Variants in EEF2 observed in about 807,000 individuals in gnomAD.
EEF2 encodes elongation factor 2.
Under a neutral mutation model 85.3 loss-of-function variants are expected in EEF2, and 21 were observed. That is an observed-to-expected ratio of 0.25 (90% CI 0.17 to 0.35). The LOEUF (loss-of-function observed/expected upper bound fraction) is 0.35, where lower values mean the gene tolerates loss of function less well. Among genes scored for constraint, EEF2 ranks in the 10% least tolerant of loss-of-function variants. EEF2 has a pLI of 1.00. For missense variants in EEF2, 825 were observed against 1,225.3 expected, an observed-to-expected ratio of 0.67 and a Z score of 4.88; for synonymous variants, 723 against 508.8, an observed-to-expected ratio of 1.42 and a Z score of -5.67.
chr19:3,981,133 A>C (rs1223878352), intron 7 of EEF2, among the ~76,000 whole-genome samples, 154 bp from the exon 8 acceptor site: 2 of 152,092 alleles, frequency 1.3e-5, no homozygotes, highest in Non-Finnish European at 2.9e-5. Context: ...GGCCATGCAC[A>C]CTCCTGCCAA....
chr19:3,977,618 A>AGGG lies in EEF2; in HGVS notation c.2068-11_2068-9dup. The AGGG allele has an allele frequency of 6.6e-7, 1 of 1,504,800 alleles. No homozygotes were observed. The highest frequency in any genetic ancestry group is 8.8e-7 in the Non-Finnish European group (1 of 1,130,910). 93.2% of individuals were successfully genotyped at this position (1,504,800 alleles called of 1,614,324 possible). On this transcript the variant is annotated splice_polypyrimidine_tract_variant and intron_variant, in intron 12 of 14. Coordinates refer to ENST00000309311, the MANE Select transcript of EEF2 (RefSeq NM_001961.4). This position sits in a 1 kb window ranked among gnomAD's most constrained non-coding sequence, Gnocchi z 5.4. ...CTCCTCACACAGTGCGCCCTGGGGGAGGGGGAGAGCCACCGTCAAGGGCCG... is the reference window on the plus strand; with the variant it reads ...CTCCTCACACAGTGCGCCCTGGGGGAGGGGGGGGAGAGCCACCGTCAAGGGCCG...
In EEF2 at chr19:3,976,399, T is replaced by G; in HGVS notation, c.*155A>C. ...ATATTGAAAGAAACGGCATCAAGTG[T>G]TATGGTTGAGTGATGGCACGCAGCG... On this transcript the variant is annotated 3_prime_UTR_variant, in exon 15 of 15. Transcript: ENST00000309311. 1.4e-6 allele frequency: 1 copy of G among 730,994 alleles called. No individual in the cohort carries two copies. Among genetic ancestry groups the G allele is most frequent in the South Asian group, 1.8e-5 (1 of 54,170 alleles). The allele number at this position is 730,994 out of a possible 1,614,324, so 45.3% of individuals were successfully genotyped here.
chr19:3,977,771 T>G lies in EEF2; in HGVS notation c.2067+48A>C, dbSNP rs1218765388. 1.3e-6 allele frequency: 2 copies of G among 1,524,486 alleles called. No homozygotes were observed. Among genetic ancestry groups the G allele is most frequent in the African/African-American group, 2.7e-5 (2 of 72,764 alleles). The allele number at this position is 1,524,486 out of a possible 1,614,324, so 94.4% of individuals were successfully genotyped here. On this transcript the variant is annotated intron_variant, in intron 12 of 14. Transcript: ENST00000309311. This position sits in a 1 kb window ranked among gnomAD's most constrained non-coding sequence, Gnocchi z 5.4. ...GGGAGGCAGGACCATGAGGTCCCTC[T>G]AGAGCCTGGAAACGGGTGTGGTCTG...
chr19:3,984,847 G>A (rs763400683), intron 1 of EEF2: 10 of 176,118 alleles, frequency 5.7e-5, no homozygotes, highest in Non-Finnish European at 8.5e-5. Flanking sequence ...CCTACACCTC[G>A]TGTCTCAATA....
At chr19:3,978,632 C>A (rs1004771902) in intron 11 of EEF2, among the ~76,000 whole-genome samples, 1 of 146,806 alleles carries the variant, frequency 6.8e-6, no homozygotes, top group African/African-American at 2.5e-5. Context: ...GGTGAAACCC[C>A]GTCTCTACTA....
Position 3,977,945 on chromosome 19 carries a change from G to A in EEF2, c.1941C>T (p.Arg647=), listed in dbSNP as rs759879199. The A allele has an allele frequency of 1.1e-5, 18 of 1,613,404 alleles. No homozygotes were observed. Residue 647 remains arginine, a synonymous_variant, in exon 12 of 15, where the codon CGC becomes CGT. Transcript: ENST00000309311. The surrounding 1 kb of genome is among the most constrained non-coding windows in gnomAD (Gnocchi z 5.4). ...EKYEWDVAEA[R]KIWCFGPDGT... ...CGTCGGGCCCAAAGCACCAGATCTT[G>A]CGGGCCTCAGCCACGTCCCACTCGT...
At position 3,977,692 on chromosome 19, in the gene EEF2, C is replaced by T. The variant is rs2039694845; in HGVS notation, c.2068-82G>A. The T allele has an allele frequency of 2.0e-6, 3 of 1,477,640 alleles. No homozygotes were observed. Among genetic ancestry groups the T allele is most frequent in the East Asian group, 2.3e-5 (1 of 42,904 alleles). The allele number at this position is 1,477,640 out of a possible 1,614,324, so 91.5% of individuals were successfully genotyped here. The stretch of plus-strand genomic sequence containing the variant: ...CCACCTGCCAAGTCCTGCAGGTCTC[C>T]ACCAGGGGGACCTGGGGCCTTGCCC... On this transcript the variant is annotated intron_variant, in intron 12 of 14. Transcript: ENST00000309311. This position sits in a 1 kb window ranked among gnomAD's most constrained non-coding sequence, Gnocchi z 5.4.
In EEF2 at chr19:3,976,106, T is replaced by C. The variant is rs3189554; in HGVS notation, c.*448A>G. 1.3e-3 allele frequency: 243 copies of C among 185,426 alleles called. 1 individual carries two copies. The highest frequency in any genetic ancestry group is 5.3e-3 in the African/African-American group (223 of 41,834). 11.5% of individuals were successfully genotyped at this position (185,426 alleles called of 1,614,324 possible). On this transcript the variant is annotated 3_prime_UTR_variant, in exon 15 of 15. Coordinates refer to ENST00000309311, the MANE Select transcript of EEF2 (RefSeq NM_001961.4). ...CCAATGGCACTAGTACAGCTGGAGG[T>C]GCTCATGGTGACACCGCACAGGACT...
At chr19:3,982,597 C>A in intron 4 of EEF2, 173 bp from the exon 5 acceptor site, 2 of 1,069,330 alleles carry the variant, frequency 1.9e-6, no homozygotes, top group Non-Finnish European at 2.8e-6. Context: ...CTCCACCACC[C>A]AGGGCAGCGT....
Position 3,978,052 on chromosome 19 carries a change from C to T in EEF2, c.1834G>A (p.Gly612Ser). 5.0e-6 allele frequency: 8 copies of T among 1,592,610 alleles called. No homozygotes were observed. Among genetic ancestry groups the T allele is most frequent in the South Asian group, 2.2e-5 (2 of 88,928 alleles). Residue 612 changes from glycine to serine, a missense_variant, in exon 12 of 15, where the codon GGC becomes AGC. Gly to Ser is a moderately conservative substitution (Grantham distance 56). Transcript: ENST00000309311. ...LYMKARPFPDGLAEDIDKGEV... is the reference protein window; with the variant it reads ...LYMKARPFPDSLAEDIDKGEV... ...CCTTTATCGATGTCCTCGGCCAGGCCGTCGGGGAAGGGCCGCGCCTTCATG... is the reference window on the plus strand; with the variant it reads ...CCTTTATCGATGTCCTCGGCCAGGCTGTCGGGGAAGGGCCGCGCCTTCATG...
chr19:3,980,215 G>C (rs2039727924), intron 9 of EEF2, 149 bp from the exon 10 acceptor site: 2 of 1,217,566 alleles, frequency 1.6e-6, no homozygotes, highest in South Asian at 1.6e-5. Context: ...TGCTGCGTCG[G>C]GGCTGTCAGG....
chr19:3,977,736 T>C lies in EEF2; in HGVS notation c.2067+83A>G, dbSNP rs945253442. On this transcript the variant is annotated intron_variant, in intron 12 of 14. Coordinates refer to ENST00000309311, the MANE Select transcript of EEF2 (RefSeq NM_001961.4). The surrounding 1 kb of genome is among the most constrained non-coding windows in gnomAD (Gnocchi z 5.4). ...CTTGCCCGCCTTGGCCCCATTAGGGTCTCTGTCTCGGGAGGCAGGACCATG... is the reference window on the plus strand; with the variant it reads ...CTTGCCCGCCTTGGCCCCATTAGGGCCTCTGTCTCGGGAGGCAGGACCATG... The C allele has an allele frequency of 6.7e-7, 1 of 1,491,838 alleles. No individual in the cohort carries two copies. The highest frequency in any genetic ancestry group is 8.9e-7 in the Non-Finnish European group (1 of 1,123,212). 92.4% of individuals were successfully genotyped at this position (1,491,838 alleles called of 1,614,324 possible).
chr19:3,976,796 G>C (rs1229785610), intron 14 of EEF2, 49 bp from the exon 15 acceptor site: 1 of 1,472,096 alleles, frequency 6.8e-7, no homozygotes, highest in Non-Finnish European at 9.0e-7. Context: ...AGGTGGCAGG[G>C]CAGAAGGAAA....
chr19:3,983,898 G>A (rs1454956933), intron 2 of EEF2: 2 of 557,554 alleles, frequency 3.6e-6, no homozygotes, highest in East Asian at 3.1e-5. Context: ...GTCCCCCAGG[G>A]AGGGAGAACC....
intron 1 of EEF2, 172 bp downstream of exon 1, chr19:3,985,206 A>T (rs1023649391): frequency 4.4e-5 from 29 of 664,342 alleles, no homozygotes; most frequent in Non-Finnish European, 6.2e-5. Flanking sequence ...CTCGGTGAAC[A>T]GCGCGGCGCA....
intron 7 of EEF2, among the ~76,000 whole-genome samples, 159 bp from the exon 8 acceptor site, chr19:3,981,138 T>TG (rs1323259910): frequency 1.3e-5 from 2 of 152,250 alleles, no homozygotes; most frequent in African/African-American, 4.8e-5. Flanking sequence ...TGCACACTCC[T>TG]GCCAAGGCCC....
rs543184542 is a variant in EEF2, at chr19:3,980,821, C to T, written c.1150+20G>A. The T allele has an allele frequency of 3.4e-4, 535 of 1,577,424 alleles. 5 individuals carry two copies. In the South Asian group the frequency reaches 4.1e-3, roughly 12 times the overall value. ...AGTCATCCGGCTGCATCTCAGGGCCCGGCCACCGGGACCACGTACCCATGG... is the reference window on the plus strand; with the variant it reads ...AGTCATCCGGCTGCATCTCAGGGCCTGGCCACCGGGACCACGTACCCATGG... On this transcript the variant is annotated intron_variant, in intron 8 of 14. Coordinates refer to ENST00000309311, the MANE Select transcript of EEF2 (RefSeq NM_001961.4).
intron 1 of EEF2, 115 bp from the exon 2 acceptor site, chr19:3,984,465 G>C: frequency 1.7e-6 from 2 of 1,165,608 alleles, no homozygotes; most frequent in East Asian, 2.4e-5. Context: ...GTTGGTGCTG[G>C]GGTGCCCCAA....
chr19:3,977,763 G>C lies in EEF2; in HGVS notation c.2067+56C>G. On this transcript the variant is annotated intron_variant, in intron 12 of 14. Coordinates refer to ENST00000309311, the MANE Select transcript of EEF2 (RefSeq NM_001961.4). This position sits in a 1 kb window ranked among gnomAD's most constrained non-coding sequence, Gnocchi z 5.4. ...TCTGTCTCGGGAGGCAGGACCATGA[G>C]GTCCCTCTAGAGCCTGGAAACGGGT... The C allele has an allele frequency of 6.6e-7, 1 of 1,506,686 alleles. No individual in the cohort carries two copies. Among genetic ancestry groups the C allele is most frequent in the Non-Finnish European group, 8.9e-7 (1 of 1,128,118 alleles). The allele number at this position is 1,506,686 out of a possible 1,614,324, so 93.3% of individuals were successfully genotyped here. A position where few individuals can be genotyped will look rare whatever the true frequency, so the allele number is the denominator to read the frequency against.
Sources: gnomAD v4.1 joint callset for allele counts (sites outside exome capture counted in the v4.1 genomes callset) on GRCh38, gnomAD v4.1.1 for gene constraint, Gnocchi (gnomAD v3.1) non-coding constraint, MANE v1.5 for transcripts, NCBI Gene and HGNC (gene_info 2026-07-23, HGNC 2026-07-21) for gene names.